Variants in SGCD observed in about 807,000 individuals in gnomAD.
SGCD encodes the protein delta-sarcoglycan.
A neutral mutation model predicts 36.6 loss-of-function variants in SGCD; 18 were observed. The ratio of observed to expected loss-of-function variants is 0.49; its 90% confidence interval spans 0.34 to 0.73. SGCD has a LOEUF of 0.73. SGCD is among the 30% of genes least tolerant of loss of function. The pLI is 0.01. For missense variants in SGCD, 387 were observed against 346.7 expected (o/e 1.12, Z -0.92); for synonymous variants, 133 against 130.6 (o/e 1.02, Z -0.12).
At chr5:156,076,193 C>A (rs1461330291) in intron 1 of SGCD, among the ~76,000 whole-genome samples, 1 of 152,026 alleles carries the variant, frequency 6.6e-6, no homozygotes, top group Non-Finnish European at 1.5e-5. Context: ...GCTCTGGTTG[C>A]TTCAAAATTC....
the SGCD span, among the ~76,000 whole-genome samples, chr5:155,803,809 T>G: frequency 6.6e-6 from 1 of 152,190 alleles, no homozygotes; most frequent in Non-Finnish European, 1.5e-5. Flanking sequence ...GTTCCTTCAG[T>G]GATGGAGCAT....
intron 3 of SGCD, among the ~76,000 whole-genome samples, chr5:156,197,472 C>CTTT (rs368116194): frequency 2.2e-5 from 3 of 134,000 alleles, no homozygotes; most frequent in African/African-American, 8.2e-5. Flanking sequence ...AATAGTTTTC[C>CTTT]TTTTTTTTTT....
At chr5:156,653,019 G>A (rs924193020) in intron 7 of SGCD, among the ~76,000 whole-genome samples, 4 of 151,986 alleles carry the variant, frequency 2.6e-5, no homozygotes, top group African/African-American at 9.7e-5. Context: ...GAGGATTTTT[G>A]CATGTGTGTT....
chr5:156,451,082 C>A (rs2127806343), intron 3 of SGCD, among the ~76,000 whole-genome samples: 1 of 144,702 alleles, frequency 6.9e-6, no homozygotes, highest in South Asian at 2.4e-4. Context: ...TGCCTCTCCT[C>A]CCCTCCCCTC....
intron 3 of SGCD, among the ~76,000 whole-genome samples, chr5:156,423,296 TATA>T (rs1249098965): frequency 1.8e-5 from 2 of 110,838 alleles, no homozygotes; most frequent in African/African-American, 7.6e-5. Context: ...TTTATTATAA[TATA>T]ATATATTTTA....
the SGCD span, among the ~76,000 whole-genome samples, chr5:155,738,887 G>A: frequency 6.6e-6 from 1 of 151,346 alleles, no homozygotes; most frequent in South Asian, 2.1e-4. Flanking sequence ...GAGAGAGTGT[G>A]TGTGAGTGTG....
At chr5:156,415,893 A>T (rs776086198) in intron 3 of SGCD, among the ~76,000 whole-genome samples, 2 of 152,210 alleles carry the variant, frequency 1.3e-5, no homozygotes, top group Non-Finnish European at 2.9e-5. Context: ...TAGCTAAAAT[A>T]GGCTTAGTAT....
At chr5:155,893,978 T>C (rs76791662) in intron 1 of SGCD, among the ~76,000 whole-genome samples, 6,960 of 152,182 alleles carry the variant, frequency 0.046, 208 homozygotes, top group Middle Eastern at 0.068. Flanking sequence ...AAAGGTACAA[T>C]AAAAATATGG....
At chr5:155,893,485 T>C (rs148473756) in intron 1 of SGCD, among the ~76,000 whole-genome samples, 6 of 152,344 alleles carry the variant, frequency 3.9e-5, no homozygotes, top group African/African-American at 1.2e-4. Context: ...TCTGAATACT[T>C]AGCCTTATAT....
At chr5:155,854,000 C>T in the SGCD span, among the ~76,000 whole-genome samples, 1 of 152,118 alleles carries the variant, frequency 6.6e-6, no homozygotes, top group African/African-American at 2.4e-5. Flanking sequence ...TTCATGTACA[C>T]TTCTTTTCAT....
Position 156,456,630 on chromosome 5 carries a change from C to CA in SGCD, c.193-51963dup, listed in dbSNP as rs1165944902. On this transcript the variant is annotated intron_variant, in intron 3 of 8. Transcript: ENST00000337851. ...ATAAATTGAGGAATGAATTGTTAAGCAAAAAAAATCTCTGGGATTACCAGA... is the reference window on the plus strand; with the variant it reads ...ATAAATTGAGGAATGAATTGTTAAGCAAAAAAAAATCTCTGGGATTACCAGA... Among the ~76,000 whole-genome samples the CA allele has an allele frequency of 7.3e-5, 11 of 151,678 alleles. 1 individual carries two copies. Among genetic ancestry groups the CA allele is most frequent in the Admixed American group, 4.6e-4 (7 of 15,232 alleles).
chr5:156,195,528 CAGG>C (rs1764003646), intron 3 of SGCD, among the ~76,000 whole-genome samples: 1 of 152,106 alleles, frequency 6.6e-6, no homozygotes, highest in Non-Finnish European at 1.5e-5. Context: ...AGGAAAGTGC[CAGG>C]AGAATTAAAT....
chr5:156,045,635 C>A (rs771673771), intron 1 of SGCD, among the ~76,000 whole-genome samples: 1 of 152,168 alleles, frequency 6.6e-6, no homozygotes, highest in Non-Finnish European at 1.5e-5. Flanking sequence ...CCAACTAAAG[C>A]AGCATCAGTT....
chr5:155,779,250 G>A, the SGCD span, among the ~76,000 whole-genome samples: 1 of 151,206 alleles, frequency 6.6e-6, no homozygotes, highest in South Asian at 2.1e-4. Flanking sequence ...ACCAGCCTGA[G>A]CAACATGGCA....
the SGCD span, among the ~76,000 whole-genome samples, chr5:155,779,008 G>A: frequency 6.6e-6 from 1 of 152,060 alleles, no homozygotes; most frequent in East Asian, 1.9e-4. Context: ...AATTTTGTTG[G>A]GAAAATTGTA....
At chr5:156,731,367 T>C (rs1028953416) in intron 7 of SGCD, among the ~76,000 whole-genome samples, 1 of 152,188 alleles carries the variant, frequency 6.6e-6, no homozygotes, top group African/African-American at 2.4e-5. Flanking sequence ...TTTCAGAGTT[T>C]TGGGTTTCAC....
At chr5:156,242,794 G>T (rs940261486) in intron 3 of SGCD, among the ~76,000 whole-genome samples, 10 of 152,338 alleles carry the variant, frequency 6.6e-5, no homozygotes, top group Non-Finnish European at 1.0e-4. Context: ...CCCAGCGTGT[G>T]GTGTTGGAGC....
chr5:156,670,590 A>C (rs1383657947), intron 7 of SGCD, among the ~76,000 whole-genome samples: 1 of 152,220 alleles, frequency 6.6e-6, no homozygotes, highest in African/African-American at 2.4e-5. Flanking sequence ...AACAAAGAGT[A>C]ATGGGAGTTT....
intron 1 of SGCD, among the ~76,000 whole-genome samples, chr5:155,951,978 G>T (rs1389998669): frequency 1.3e-5 from 2 of 152,160 alleles, no homozygotes; most frequent in Non-Finnish European, 2.9e-5. Context: ...GCCTCACCCT[G>T]GTGCTGCTAC....
Sources: gnomAD v4.1 joint callset for allele counts (sites outside exome capture counted in the v4.1 genomes callset) on GRCh38, gnomAD v4.1.1 for gene constraint, MANE v1.5 for transcripts, NCBI Gene and HGNC (gene_info 2026-07-23, HGNC 2026-07-21) for gene names.